The following RARB variants were observed in gnomAD, a reference collection of about 807,000 sequenced individuals.
The protein encoded by RARB is retinoic acid receptor beta.
In RARB, 17 loss-of-function variants were observed where a neutral mutation model predicts 51.9. The ratio of observed to expected loss-of-function variants is 0.33; its 90% confidence interval spans 0.22 to 0.49. The LOEUF (loss-of-function observed/expected upper bound fraction) is 0.49. Among genes scored for constraint, RARB ranks in the 20% least tolerant of loss-of-function variants. RARB has a pLI of 0.99. For synonymous variants in RARB, 215 were observed against 195.4 expected (o/e 1.10, Z -0.84); for missense variants, 369 against 550.8 (o/e 0.67, Z 3.30).
intron 2 of RARB, among the ~76,000 whole-genome samples, chr3:25,035,386 T>C (rs1369949139): frequency 3.4e-5 from 5 of 149,158 alleles, no homozygotes; most frequent in African/African-American, 4.9e-5. Flanking sequence ...TCTCCCAAAG[T>C]GCTGGAATTA....
At chr3:25,211,286 G>A (rs1321108028) in intron 5 of RARB, among the ~76,000 whole-genome samples, 4 of 152,170 alleles carry the variant, frequency 2.6e-5, no homozygotes, top group African/African-American at 9.6e-5. Flanking sequence ...TGAGTGCTGA[G>A]CAGGGGAAAG....
At chr3:25,425,680 C>T (rs1287112695), upstream of RARB, among the ~76,000 whole-genome samples, 2 of 152,164 alleles carry the variant, frequency 1.3e-5, no homozygotes, top group Non-Finnish European at 2.9e-5. Flanking sequence ...ACCTTTACCA[C>T]ACACAGAGAG....
At chr3:25,117,782 G>A (rs1359652695) in intron 3 of RARB, among the ~76,000 whole-genome samples, 1 of 151,996 alleles carries the variant, frequency 6.6e-6, no homozygotes, top group African/African-American at 2.4e-5. Context: ...AAGTCACCAG[G>A]GGAAAAATAC....
At chr3:24,926,464 C>T (rs17015467) in intron 2 of RARB, among the ~76,000 whole-genome samples, 6 of 152,008 alleles carry the variant, frequency 3.9e-5, no homozygotes, top group Non-Finnish European at 7.4e-5. Flanking sequence ...GCAAATACAT[C>T]TGAGTTGAGA....
intron 1 of RARB, among the ~76,000 whole-genome samples, chr3:24,843,838 AGCTGT>A (rs1253111815): frequency 1.3e-5 from 2 of 151,888 alleles, no homozygotes; most frequent in Admixed American, 6.6e-5. Flanking sequence ...AAAGTCGATC[AGCTGT>A]GCTCTTGGTT....
chr3:25,125,632 T>C (rs1466136446), intron 3 of RARB, among the ~76,000 whole-genome samples: 1 of 152,184 alleles, frequency 6.6e-6, no homozygotes, highest in Non-Finnish European at 1.5e-5. Context: ...ACTCTGACAG[T>C]GGGATTAAAT....
At chr3:25,274,962 G>A (rs557411806) in intron 5 of RARB, among the ~76,000 whole-genome samples, 45 of 152,322 alleles carry the variant, frequency 3.0e-4, no homozygotes, top group African/African-American at 1.1e-3. Flanking sequence ...GTGTGAGCCA[G>A]TAATCAACTG....
rs538038050 is a variant in RARB, at chr3:25,481,615, G to A, written c.307-19567G>A. ...TATCAGCTGGTGGCAGGCATGGTTT[G>A]TGTGAATGATCCTAGCAGGACAGTG... On this transcript the variant is annotated intron_variant, in intron 2 of 7. Coordinates refer to ENST00000330688, the MANE Select transcript of RARB (RefSeq NM_000965.5). Among the ~76,000 whole-genome samples, 4 of 152,326 alleles carry A rather than the reference G, an allele frequency of 2.6e-5. No individual in the cohort carries two copies. The East Asian group carries it at 5.8e-4, about 22-fold the overall frequency.
chr3:25,322,366 G>A (rs367715679), intron 5 of RARB, among the ~76,000 whole-genome samples: 2 of 152,176 alleles, frequency 1.3e-5, no homozygotes, highest in African/African-American at 2.4e-5. Flanking sequence ...TACTTAGGGA[G>A]AGAGGACCTT....
intron 2 of RARB, among the ~76,000 whole-genome samples, chr3:25,057,997 C>T (rs903582479): frequency 2.0e-5 from 3 of 151,916 alleles, no homozygotes; most frequent in African/African-American, 7.2e-5. Context: ...CCTCTTGATG[C>T]TGCCCAAACC....
At chr3:25,144,242 C>G (rs763915064) in intron 4 of RARB, among the ~76,000 whole-genome samples, 4 of 152,120 alleles carry the variant, frequency 2.6e-5, no homozygotes, top group Non-Finnish European at 5.9e-5. Flanking sequence ...TACTTAAAAA[C>G]CTTCTAGACC....
intron 5 of RARB, among the ~76,000 whole-genome samples, chr3:25,389,245 T>G (rs572037864): frequency 5.3e-4 from 80 of 152,286 alleles, no homozygotes; most frequent in African/African-American, 1.9e-3. Flanking sequence ...TACCTTCCTT[T>G]TTTTAGATGG....
intron 5 of RARB, among the ~76,000 whole-genome samples, chr3:25,367,972 C>T (rs1378929484): frequency 6.6e-6 from 1 of 152,044 alleles, no homozygotes; most frequent in Non-Finnish European, 1.5e-5. Flanking sequence ...ATTAAGTTTT[C>T]GGTGCTCCTC....
rs140254583 is a variant in RARB at position 25,019,498 on chromosome 3, C to T, written c.-379-40627C>T. 2.4e-3 allele frequency among the ~76,000 whole-genome samples: 364 copies of T among 151,578 alleles called. 7 individuals carry two copies. The East Asian group carries it at 0.054, about 22-fold the overall frequency. On this transcript the variant is annotated intron_variant, in intron 2 of 11. Transcript: ENST00000383772. ...CCAAATTCCCTTTTTTTTTTCTTCA[C>T]GGGTTTATAACCTTCTAAAAATAAT...
At chr3:25,092,175 A>G (rs1431688401) in intron 3 of RARB, among the ~76,000 whole-genome samples, 2 of 152,136 alleles carry the variant, frequency 1.3e-5, no homozygotes, top group Non-Finnish European at 2.9e-5. Flanking sequence ...GGTCTTGTCT[A>G]TTGCTCAGAT....
chr3:25,075,779 A>T (rs1262249957), intron 3 of RARB, among the ~76,000 whole-genome samples: 1 of 152,172 alleles, frequency 6.6e-6, no homozygotes, highest in Admixed American at 6.5e-5. Context: ...TTGGCAGAGA[A>T]GAGAAAGTAT....
chr3:24,830,549 C>T (rs189257385), intron 1 of RARB, among the ~76,000 whole-genome samples: 261 of 151,134 alleles, frequency 1.7e-3, no homozygotes, highest in African/African-American at 5.5e-3. Context: ...GGGTGAGTTT[C>T]CCTGACACTC....
chr3:25,589,309 G>C (rs1405278791), intron 5 of RARB, among the ~76,000 whole-genome samples: 1 of 152,202 alleles, frequency 6.6e-6, no homozygotes, highest in Non-Finnish European at 1.5e-5. Flanking sequence ...ATGGCCAGAA[G>C]TTCATGAGCA....
chr3:25,505,460 A>C (rs1014540419), intron 3 of RARB, among the ~76,000 whole-genome samples: 1 of 152,234 alleles, frequency 6.6e-6, no homozygotes, highest in African/African-American at 2.4e-5. Context: ...TTATAGATCA[A>C]ATTTGATTTT....
Sources: gnomAD v4.1 joint callset for allele counts (sites outside exome capture counted in the v4.1 genomes callset) on GRCh38, gnomAD v4.1.1 for gene constraint, MANE v1.5 for transcripts, NCBI Gene and HGNC (gene_info 2026-07-23, HGNC 2026-07-21) for gene names.